MACROD2: variants seen among roughly 807,000 people sequenced by gnomAD.
MACROD2 encodes mono-ADP ribosylhydrolase 2.
A neutral mutation model predicts 70.4 loss-of-function variants in MACROD2; 36 were observed. The ratio of observed to expected loss-of-function variants is 0.51; its 90% CI spans 0.39 to 0.68. The LOEUF is 0.68. MACROD2 is among the 30% of genes least tolerant of loss of function. MACROD2 has a pLI of 0.00. For synonymous variants in MACROD2, 172 were observed against 178.8 expected, an observed-to-expected ratio of 0.96 and a Z score of 0.30; for missense variants, 496 against 538.4, an observed-to-expected ratio of 0.92 and a Z score of 0.78.
intron 5 of MACROD2, among the ~76,000 whole-genome samples, chr20:15,183,978 A>C (rs995051997): frequency 2.6e-5 from 4 of 152,186 alleles, no homozygotes; most frequent in African/African-American, 4.8e-5. Flanking sequence ...GGTGTGAGGC[A>C]GGAGGGAGTG....
chr20:15,230,245 T>G (rs2076948305), intron 6 of MACROD2, among the ~76,000 whole-genome samples, 184 bp downstream of exon 6: 1 of 152,194 alleles, frequency 6.6e-6, no homozygotes, highest in Non-Finnish European at 1.5e-5. Flanking sequence ...TTGCTAAATT[T>G]TTCATGATGT....
intron 2 of MACROD2, among the ~76,000 whole-genome samples, chr20:14,043,408 G>T (rs2053422601): frequency 6.6e-6 from 1 of 152,196 alleles, no homozygotes; most frequent in African/African-American, 2.4e-5. Flanking sequence ...TATAGGAAGG[G>T]GCATAGAGCT....
At chr20:14,253,093 G>T (rs1389023990) in intron 3 of MACROD2, among the ~76,000 whole-genome samples, 1 of 151,956 alleles carries the variant, frequency 6.6e-6, no homozygotes, top group African/African-American at 2.4e-5. Flanking sequence ...ACATTTCGAA[G>T]GGTACATGTA....
intron 8 of MACROD2, among the ~76,000 whole-genome samples, chr20:15,737,235 G>A (rs1273608138): frequency 6.6e-6 from 1 of 152,108 alleles, no homozygotes; most frequent in East Asian, 1.9e-4. Flanking sequence ...GTAATTACAG[G>A]GCATCCAAGT....
intron 5 of MACROD2, among the ~76,000 whole-genome samples, chr20:14,904,655 C>T (rs975225074): frequency 1.1e-4 from 16 of 151,970 alleles, no homozygotes; most frequent in African/African-American, 3.1e-4. Context: ...TATTTAATAC[C>T]GCATAACCCT....
chr20:15,958,388 A>C (rs190930398), intron 12 of MACROD2, among the ~76,000 whole-genome samples: 1 of 152,272 alleles, frequency 6.6e-6, no homozygotes, highest in East Asian at 1.9e-4. Context: ...CCAGTTATTA[A>C]GTGTTTTGAA....
chr20:15,860,635 A>C (rs2064412697), intron 8 of MACROD2, among the ~76,000 whole-genome samples: 1 of 152,156 alleles, frequency 6.6e-6, no homozygotes, highest in Non-Finnish European at 1.5e-5. Flanking sequence ...TATGAGAGCC[A>C]TGTACCTATC....
intron 8 of MACROD2, among the ~76,000 whole-genome samples, chr20:15,558,832 G>A (rs893524848): frequency 1.3e-5 from 2 of 152,084 alleles, no homozygotes; most frequent in Non-Finnish European, 2.9e-5. Flanking sequence ...TCTTTGATAT[G>A]TGTATATGTA....
At chr20:15,518,805 C>G (rs2047604566) in intron 8 of MACROD2, among the ~76,000 whole-genome samples, 1 of 152,088 alleles carries the variant, frequency 6.6e-6, no homozygotes, top group African/African-American at 2.4e-5. Flanking sequence ...TCAAGAATAG[C>G]CTGGGTAACA....
At chr20:14,485,420 G>T (rs1383085262) in intron 3 of MACROD2, among the ~76,000 whole-genome samples, 3 of 152,192 alleles carry the variant, frequency 2.0e-5, no homozygotes, top group Non-Finnish European at 2.9e-5. Flanking sequence ...AGAACATGGA[G>T]GCCAGGCGTG....
chr20:15,083,585 C>T (rs951422671), intron 5 of MACROD2, among the ~76,000 whole-genome samples: 2 of 149,468 alleles, frequency 1.3e-5, no homozygotes, highest in South Asian at 2.1e-4. Context: ...TTTCCCTCCA[C>T]ATCAACAATA....
chr20:15,234,117 C>T (rs1303459991), intron 6 of MACROD2, among the ~76,000 whole-genome samples: 3 of 133,476 alleles, frequency 2.2e-5, no homozygotes, highest in African/African-American at 5.6e-5. Flanking sequence ...CTGCAAGCTC[C>T]GCCTCCCAGG....
At chr20:14,719,484 A>AAAAG in intron 5 of MACROD2, among the ~76,000 whole-genome samples, 2 of 150,726 alleles carry the variant, frequency 1.3e-5, no homozygotes, top group East Asian at 1.9e-4. Flanking sequence ...AAAAAAAAAA[A>AAAAG]AAAGAAAGAA....
intron 6 of MACROD2, among the ~76,000 whole-genome samples, chr20:15,294,451 T>G (rs1283188452): frequency 2.6e-5 from 4 of 152,224 alleles, no homozygotes; most frequent in African/African-American, 9.6e-5. Context: ...TCTTTAATTA[T>G]TTACTCAACC....
chr20:15,122,838 G>T (rs980373868), intron 5 of MACROD2, among the ~76,000 whole-genome samples: 4 of 152,062 alleles, frequency 2.6e-5, no homozygotes, highest in African/African-American at 9.7e-5. Context: ...ACACACTTGA[G>T]GTTTATCCAC....
intron 3 of MACROD2, among the ~76,000 whole-genome samples, chr20:14,352,768 T>G (rs2083135397): frequency 6.6e-6 from 1 of 152,182 alleles, no homozygotes; most frequent in African/African-American, 2.4e-5. Context: ...GCTAAACTTT[T>G]TCTATGTGAT....
At chr20:14,308,611 A>G (rs570333908) in intron 3 of MACROD2, among the ~76,000 whole-genome samples, 2 of 152,302 alleles carry the variant, frequency 1.3e-5, no homozygotes, top group East Asian at 3.8e-4. Context: ...CCCATCTTAT[A>G]CATGCAGTAT....
chr20:15,345,216 G>T (rs144737438), intron 6 of MACROD2, among the ~76,000 whole-genome samples: 7 of 152,242 alleles, frequency 4.6e-5, no homozygotes, highest in Non-Finnish European at 5.9e-5. Flanking sequence ...ATGAATTTTG[G>T]GATGACATAG....
intron 12 of MACROD2, among the ~76,000 whole-genome samples, chr20:15,947,360 C>T (rs548233976): frequency 2.6e-4 from 39 of 152,246 alleles, no homozygotes; most frequent in South Asian, 1.9e-3. Flanking sequence ...GAGGTCCCTG[C>T]GGCTTTCCAC....
Sources: allele counts gnomAD v4.1 joint callset (sites outside exome capture counted in the v4.1 genomes callset), GRCh38; gene constraint gnomAD v4.1.1; transcripts MANE v1.5; gene names NCBI Gene and HGNC (gene_info 2026-07-23, HGNC 2026-07-21).